The following KCNJ16 variants were observed in gnomAD, a reference collection of about 807,000 sequenced individuals.
KCNJ16 encodes inward rectifier potassium channel 16.
KCNJ16 carries 15 observed loss-of-function variants against 18.5 expected under a neutral mutation model. The ratio of observed to expected loss-of-function variants is 0.81; its 90% CI spans 0.54 to 1.25. The LOEUF is 1.25. Among genes scored for constraint, KCNJ16 ranks in the 50% most tolerant of loss-of-function variants. The pLI is 0.00. For synonymous variants in KCNJ16, 174 were observed against 186.5 expected, an observed-to-expected ratio of 0.93 and a Z score of 0.55; for missense variants, 523 against 525.7, an observed-to-expected ratio of 0.99 and a Z score of 0.05.
intron 2 of KCNJ16, among the ~76,000 whole-genome samples, chr17:70,103,105 A>ATT (rs1555588931): frequency 6.9e-6 from 1 of 144,706 alleles, no homozygotes; most frequent in Non-Finnish European, 1.5e-5. Context: ...GCTTATGTAT[A>ATT]TTATATATAT....
intron 1 of KCNJ16, among the ~76,000 whole-genome samples, chr17:70,089,108 T>C (rs996298368): frequency 6.6e-6 from 1 of 152,210 alleles, no homozygotes; most frequent in Non-Finnish European, 1.5e-5. Flanking sequence ...AACACAGGAA[T>C]ACAAACAGGC....
Position 70,092,537 on chromosome 17 carries a change from G to C in KCNJ16, c.-299-8121G>C, listed in dbSNP as rs62081363. On this transcript the variant is annotated intron_variant, in intron 1 of 3. Transcript: ENST00000392671. Reference sequence around the variant, plus strand: ...AGATAGATAGATACATAGACAGATAGATATAGATAGATATAGATAGATGAT... The same window carrying C: ...AGATAGATAGATACATAGACAGATACATATAGATAGATATAGATAGATGAT... Among the ~76,000 whole-genome samples the C allele has an allele frequency of 5.4e-3, 692 of 128,166 alleles. 8 individuals carry two copies. The highest frequency in any genetic ancestry group is 8.6e-3 in the East Asian group (37 of 4,280). 84.1% of individuals were successfully genotyped at this position (128,166 alleles called of 152,430 possible).
At chr17:70,079,997 C>A (rs1326940797) in intron 1 of KCNJ16, among the ~76,000 whole-genome samples, 2 of 152,228 alleles carry the variant, frequency 1.3e-5, no homozygotes. Flanking sequence ...GCAACCACAT[C>A]TGGCAGTACA....
chr17:70,077,674 GTTTT>G (rs77277323), intron 1 of KCNJ16, among the ~76,000 whole-genome samples: 1 of 149,386 alleles, frequency 6.7e-6, no homozygotes, highest in African/African-American at 2.5e-5. Flanking sequence ...GTTAGGCTGT[GTTTT>G]TTTTTTTTGT....
rs1304949699 is a variant in KCNJ16, at chr17:70,095,876, T to C, written c.-299-4782T>C. On this transcript the variant is annotated intron_variant, in intron 1 of 3. Transcript: ENST00000392671. ...CATTTTATATTACTTAATCCTTTTT[T>C]TTTTTTTTTTTTTTTTTTTTTTTTG... Among the ~76,000 whole-genome samples the C allele has an allele frequency of 1.4e-4, 16 of 114,822 alleles. 1 individual carries two copies. The highest frequency in any genetic ancestry group is 4.9e-4 in the African/African-American group (14 of 28,566). The allele number at this position is 114,822 out of a possible 152,430, so 75.3% of individuals were successfully genotyped here. A position where few individuals can be genotyped will look rare whatever the true frequency, so the allele number is the denominator to read the frequency against.
chr17:70,092,494 A>T (rs2072135448), intron 1 of KCNJ16, among the ~76,000 whole-genome samples: 1 of 14,164 alleles, frequency 7.1e-5, no homozygotes, highest in African/African-American at 1.6e-4. Context: ...GAACCAATAG[A>T]TAGATAGATA....
At chr17:70,093,150 T>A (rs1231809087) in intron 1 of KCNJ16, among the ~76,000 whole-genome samples, 1 of 152,166 alleles carries the variant, frequency 6.6e-6, no homozygotes, top group African/African-American at 2.4e-5. Context: ...TGAAATAACC[T>A]TTTGGACGCA....
intron 2 of KCNJ16, among the ~76,000 whole-genome samples, chr17:70,125,629 A>G (rs1302149558): frequency 6.6e-6 from 1 of 152,268 alleles, no homozygotes; most frequent in African/African-American, 2.4e-5. Context: ...AAAAAAGTTA[A>G]TTAAGAAAAC....
intron 2 of KCNJ16, among the ~76,000 whole-genome samples, chr17:70,129,557 A>G (rs144925680): frequency 5.9e-5 from 9 of 152,292 alleles, no homozygotes; most frequent in Non-Finnish European, 1.2e-4. Flanking sequence ...AAAATGCGTT[A>G]TTTATATCGT....
intron 2 of KCNJ16, among the ~76,000 whole-genome samples, chr17:70,115,374 C>G (rs936278586): frequency 6.6e-6 from 1 of 151,962 alleles, no homozygotes; most frequent in African/African-American, 2.4e-5. Flanking sequence ...TTTAGGCAAA[C>G]CTGCATCATG....
At chr17:70,118,410 T>TA (rs1360086427) in intron 2 of KCNJ16, among the ~76,000 whole-genome samples, 1 of 151,642 alleles carries the variant, frequency 6.6e-6, no homozygotes, top group Non-Finnish European at 1.5e-5. Context: ...ATGTATCATT[T>TA]AAAAAAAGAA....
At chr17:70,088,039 A>AAT (rs1555584284) in intron 1 of KCNJ16, among the ~76,000 whole-genome samples, 14 of 150,600 alleles carry the variant, frequency 9.3e-5, no homozygotes, top group African/African-American at 3.2e-4. Flanking sequence ...AAAAAAAAAA[A>AAT]AAGTAAAAGA....
chr17:70,092,568 T>TA (rs2072164063), intron 1 of KCNJ16, among the ~76,000 whole-genome samples: 1 of 117,392 alleles, frequency 8.5e-6, no homozygotes, highest in African/African-American at 3.8e-5. Flanking sequence ...ATGATAGATA[T>TA]AGATAGATAG....
At chr17:70,083,633 C>A (rs2071657168) in intron 1 of KCNJ16, among the ~76,000 whole-genome samples, 1 of 152,006 alleles carries the variant, frequency 6.6e-6, no homozygotes, top group African/African-American at 2.4e-5. Context: ...ATTATACCAT[C>A]TAGGTTTGCG....
At chr17:70,083,617 T>C (rs1030300709) in intron 1 of KCNJ16, among the ~76,000 whole-genome samples, 1 of 152,156 alleles carries the variant, frequency 6.6e-6, no homozygotes, top group Non-Finnish European at 1.5e-5. Flanking sequence ...CCTAGGTGTG[T>C]AGTAGATTAT....
Position 70,088,441 on chromosome 17 carries a change from C to T in KCNJ16, c.-299-12217C>T, listed in dbSNP as rs528497977. Among the ~76,000 whole-genome samples the T allele has an allele frequency of 3.3e-5, 5 of 152,258 alleles. No homozygotes were observed. The South Asian group carries it at 6.2e-4, about 19-fold the overall frequency. Reference sequence around the variant, plus strand: ...GCTGTTCACCGCCTGCTGTGCGGCCCGGTTCCTAACAGGCCATGGACTGGT... The same window carrying T: ...GCTGTTCACCGCCTGCTGTGCGGCCTGGTTCCTAACAGGCCATGGACTGGT... On this transcript the variant is annotated intron_variant, in intron 1 of 3. Coordinates refer to ENST00000392671, the MANE Select transcript of KCNJ16 (RefSeq NM_170741.4).
chr17:70,116,360 A>T lies in KCNJ16; in HGVS notation c.-190-14519A>T, dbSNP rs1052463027. ...TTTATAAAATAGCTAATTCACATCC[A>T]GATTTTGTCACTACAAATAGCCCTC... On this transcript the variant is annotated intron_variant, in intron 2 of 3. Transcript: ENST00000392671. 7.9e-5 allele frequency among the ~76,000 whole-genome samples: 12 copies of T among 152,264 alleles called. No homozygotes were observed. In the East Asian group the frequency reaches 2.3e-3, roughly 29 times the overall value.
At chr17:70,103,144 T>C (rs1027310703) in intron 2 of KCNJ16, among the ~76,000 whole-genome samples, 1 of 141,232 alleles carries the variant, frequency 7.1e-6, no homozygotes, top group African/African-American at 2.6e-5. Flanking sequence ...TATATGTGTA[T>C]ATAATATATA....
chr17:70,115,012 C>G (rs2073347768), intron 2 of KCNJ16, among the ~76,000 whole-genome samples: 2 of 152,124 alleles, frequency 1.3e-5, no homozygotes, highest in African/African-American at 4.8e-5. Flanking sequence ...GATGGGCAAA[C>G]AGAGGCTCAA....
Sources: allele counts gnomAD v4.1 joint callset (sites outside exome capture counted in the v4.1 genomes callset), GRCh38; gene constraint gnomAD v4.1.1; transcripts MANE v1.5; gene names NCBI Gene and HGNC (gene_info 2026-07-23, HGNC 2026-07-21).